Variants in GALNT16 observed in about 807,000 individuals in gnomAD.
The protein encoded by GALNT16 is UDP-GalNAc:polypeptide N-acetylgalactosaminyltransferase-like protein 1.
Under a neutral mutation model 76.1 loss-of-function variants are expected in GALNT16, and 40 were observed. The observed-to-expected ratio is 0.53, with a 90% CI of 0.41 to 0.68. The LOEUF (loss-of-function observed/expected upper bound fraction) is 0.68, where lower values mean the gene tolerates loss of function less well. GALNT16 is among the 30% of genes least tolerant of loss of function. The pLI, the probability that GALNT16 is intolerant of heterozygous loss-of-function variation, is 0.00. For missense variants in GALNT16, 621 were observed against 731.9 expected, an observed-to-expected ratio of 0.85 and a Z score of 1.75; for synonymous variants, 276 against 285.2, an observed-to-expected ratio of 0.97 and a Z score of 0.32.
At chr14:69,263,646 C>T (rs973838134) in intron 1 of GALNT16, among the ~76,000 whole-genome samples, 3 of 152,190 alleles carry the variant, frequency 2.0e-5, no homozygotes, top group Admixed American at 6.5e-5. Flanking sequence ...TTGAAGCCAG[C>T]CAAGTTGCTT....
chr14:69,346,934 G>C, intron 12 of GALNT16, 106 bp from the exon 13 acceptor site: 5 of 1,403,488 alleles, frequency 3.6e-6, no homozygotes, highest in Non-Finnish European at 5.0e-6. Context: ...CCCTTCCCAC[G>C]GAGACCTCGG....
intron 1 of GALNT16, among the ~76,000 whole-genome samples, chr14:69,280,253 G>C (rs763620332): frequency 8.5e-5 from 13 of 152,128 alleles, no homozygotes. Context: ...CTCTATGACT[G>C]TGACTACTCT....
chr14:69,294,516 A>G (rs1409909701), intron 1 of GALNT16, among the ~76,000 whole-genome samples: 1 of 152,176 alleles, frequency 6.6e-6, no homozygotes, highest in Non-Finnish European at 1.5e-5. Context: ...CTTGTACTAA[A>G]TTTACACTTG....
chr14:69,275,112 G>A (rs961629835), intron 1 of GALNT16, among the ~76,000 whole-genome samples: 2 of 152,204 alleles, frequency 1.3e-5, no homozygotes, highest in Non-Finnish European at 2.9e-5. Flanking sequence ...ATTGGAACGA[G>A]AAAGGGGTGA....
chr14:69,334,410 A>G (rs1303185486), intron 9 of GALNT16, among the ~76,000 whole-genome samples: 1 of 152,182 alleles, frequency 6.6e-6, no homozygotes, highest in Non-Finnish European at 1.5e-5. Context: ...TTTGAACCTC[A>G]GTTTCTTCAT....
In GALNT16 at chr14:69,292,458, G is replaced by A. The variant is rs2044698747; in HGVS notation, c.178-28253G>A. 2.0e-5 allele frequency among the ~76,000 whole-genome samples: 3 copies of A among 152,220 alleles called. No homozygotes were observed. In the South Asian group the frequency reaches 6.2e-4, roughly 32 times the overall value. On this transcript the variant is annotated intron_variant, in intron 1 of 14. Transcript: ENST00000448469. ...TGCAGGCAGGGCAGGGAATGGGAGT[G>A]CCATCCCAGAGCCCCAGGGAAGGAG...
intron 6 of GALNT16, among the ~76,000 whole-genome samples, 191 bp from the exon 7 acceptor site, chr14:69,331,273 C>T (rs2045348241): frequency 6.6e-6 from 1 of 152,160 alleles, no homozygotes; most frequent in African/African-American, 2.4e-5. Flanking sequence ...TAGGAACATC[C>T]AGGAGCTTGG....
chr14:69,272,125 C>A (rs1430146339), intron 1 of GALNT16, among the ~76,000 whole-genome samples: 1 of 152,010 alleles, frequency 6.6e-6, no homozygotes, highest in African/African-American at 2.4e-5. Flanking sequence ...TTTTGGGAGG[C>A]TGAGGAGGGG....
rs1253724280 is a variant in GALNT16 at position 69,320,748 on chromosome 14, C to T, written c.215C>T (p.Ala72Val). ...CCCTCGAAAGGCTTTGATGAGAAGGCCTACCTGTCGGCCAAGCAGCTGAAG... is the reference window on the plus strand; with the variant it reads ...CCCTCGAAAGGCTTTGATGAGAAGGTCTACCTGTCGGCCAAGCAGCTGAAG... ...GTPSKGFDEK[A>V]YLSAKQLKAG... is the part of the protein sequence containing the mutation. Residue 72 changes from alanine to valine, a missense_variant, in exon 2 of 15, where the codon GCC becomes GTC. Coordinates refer to ENST00000448469, the MANE Select transcript of GALNT16 (RefSeq NM_001168368.2). 1.9e-6 allele frequency: 3 copies of T among 1,614,014 alleles called. No homozygotes were observed. The highest frequency in any genetic ancestry group is 3.3e-5 in the Admixed American group (2 of 60,000).
the GALNT16 span, among the ~76,000 whole-genome samples, chr14:69,366,091 AG>A: frequency 1.1e-4 from 16 of 152,338 alleles, no homozygotes; most frequent in South Asian, 3.1e-3. Flanking sequence ...ATTTGATGCA[AG>A]ACTTGGGTGA....
Position 69,333,190 on chromosome 14 carries a change from T to C in GALNT16, c.863+21T>C. On this transcript the variant is annotated intron_variant, in intron 8 of 14. Coordinates refer to ENST00000448469, the MANE Select transcript of GALNT16 (RefSeq NM_001168368.2). The surrounding 1 kb of genome is among the most constrained non-coding windows in gnomAD (Gnocchi z 4.2). ...ATAAGGTCAGAGCTGCGGTGGGCTC[T>C]GGGGGACCCCTTCCTTCCCTGGGTC... 6.5e-7 allele frequency: 1 copy of C among 1,526,798 alleles called. No individual in the cohort carries two copies. The highest frequency in any genetic ancestry group is 9.0e-7 in the Non-Finnish European group (1 of 1,113,412). 94.6% of individuals were successfully genotyped at this position (1,526,798 alleles called of 1,614,324 possible).
At chr14:69,308,236 G>A (rs919033969) in intron 1 of GALNT16, among the ~76,000 whole-genome samples, 8 of 151,346 alleles carry the variant, frequency 5.3e-5, no homozygotes, top group Non-Finnish European at 7.4e-5. Context: ...ATCTTAGGTA[G>A]AGAATTAAGG....
chr14:69,376,271 T>C, the GALNT16 span, among the ~76,000 whole-genome samples: 5 of 152,284 alleles, frequency 3.3e-5, no homozygotes, highest in East Asian at 5.8e-4. Context: ...ACTGGTCTTA[T>C]TACAAATTTT....
intron 1 of GALNT16, among the ~76,000 whole-genome samples, chr14:69,284,838 A>G (rs1306916152): frequency 6.6e-6 from 1 of 151,990 alleles, no homozygotes; most frequent in Non-Finnish European, 1.5e-5. Context: ...CTTGATAGCA[A>G]GTGAGTTCTC....
chr14:69,308,199 G>A (rs971794243), intron 1 of GALNT16, among the ~76,000 whole-genome samples: 9 of 152,128 alleles, frequency 5.9e-5, no homozygotes, highest in Non-Finnish European at 1.0e-4. Flanking sequence ...TGATGATAAT[G>A]ATGACAGTAA....
At chr14:69,384,465 T>C in the GALNT16 span, among the ~76,000 whole-genome samples, 1 of 152,194 alleles carries the variant, frequency 6.6e-6, no homozygotes, top group African/African-American at 2.4e-5. Context: ...TCCAGCTAGC[T>C]CTTAACCACA....
chr14:69,292,856 G>A (rs2044705442), intron 1 of GALNT16, among the ~76,000 whole-genome samples: 1 of 152,218 alleles, frequency 6.6e-6, no homozygotes, highest in Non-Finnish European at 1.5e-5. Context: ...TTCTAGTGTG[G>A]AGAGTCAAAT....
At chr14:69,287,576 G>A (rs2044630355) in intron 1 of GALNT16, among the ~76,000 whole-genome samples, 1 of 152,138 alleles carries the variant, frequency 6.6e-6, no homozygotes, top group African/African-American at 2.4e-5. Context: ...TCCCTTACAC[G>A]TCTCTGGATG....
chr14:69,282,616 G>C (rs538573012), intron 1 of GALNT16, among the ~76,000 whole-genome samples: 11 of 151,410 alleles, frequency 7.3e-5, no homozygotes, highest in African/African-American at 2.7e-4. Flanking sequence ...TGCAGGCCCC[G>C]TATCTGCTCT....
Sources: allele counts gnomAD v4.1 joint callset (sites outside exome capture counted in the v4.1 genomes callset), GRCh38; gene constraint gnomAD v4.1.1; non-coding constraint Gnocchi (gnomAD v3.1); transcripts MANE v1.5; gene names NCBI Gene and HGNC (gene_info 2026-07-23, HGNC 2026-07-21).